BMPR1B: variants seen among roughly 807,000 people sequenced by gnomAD.
BMPR1B encodes bone morphogenetic protein receptor type-1B.
In BMPR1B, 12 loss-of-function variants were observed where a neutral mutation model predicts 59.1. That is an observed-to-expected ratio of 0.20 (90% confidence interval 0.13 to 0.33). The LOEUF (loss-of-function observed/expected upper bound fraction) is 0.33. BMPR1B is among the 10% of genes least tolerant of loss of function. The pLI is 1.00. For synonymous variants in BMPR1B, 237 were observed against 207.3 expected, an observed-to-expected ratio of 1.14 and a Z score of -1.23; for missense variants, 550 against 610.9, an observed-to-expected ratio of 0.90 and a Z score of 1.05.
chr4:95,000,003 A>C (rs887888401), intron 3 of BMPR1B, among the ~76,000 whole-genome samples: 1 of 152,176 alleles, frequency 6.6e-6, no homozygotes, highest in African/African-American at 2.4e-5. Context: ...AATAAAATTT[A>C]TTTTGCCTTT....
chr4:95,092,532 G>A (rs1305508940), intron 3 of BMPR1B, among the ~76,000 whole-genome samples: 2 of 152,002 alleles, frequency 1.3e-5, no homozygotes, highest in African/African-American at 4.8e-5. Context: ...GATGATAATA[G>A]TTGATAATAG....
intron 1 of BMPR1B, among the ~76,000 whole-genome samples, chr4:94,806,015 G>C (rs989212405): frequency 1.3e-5 from 2 of 151,978 alleles, no homozygotes; most frequent in Non-Finnish European, 2.9e-5. Context: ...TTCATTACCT[G>C]GATATTAGCA....
At chr4:95,116,638 CAG>C (rs1328063391) in intron 6 of BMPR1B, among the ~76,000 whole-genome samples, 2 of 148,358 alleles carry the variant, frequency 1.3e-5, no homozygotes, top group African/African-American at 5.0e-5. Context: ...TTTTTTGAGA[CAG>C]GGTCTTGCTC....
At chr4:95,054,940 T>C (rs1726804509) in intron 3 of BMPR1B, among the ~76,000 whole-genome samples, 2 of 152,210 alleles carry the variant, frequency 1.3e-5, no homozygotes, top group Non-Finnish European at 2.9e-5. Context: ...AAAATGTCTA[T>C]AATTTTTCCC....
chr4:95,096,797 A>G lies in BMPR1B; in HGVS notation c.-17-7611A>G, dbSNP rs539133352. 7.1e-3 allele frequency among the ~76,000 whole-genome samples: 993 copies of G among 139,648 alleles called. 10 individuals are homozygous for G. The highest frequency in any genetic ancestry group is 0.014 in the South Asian group (66 of 4,632). The allele number at this position is 139,648 out of a possible 152,430, so 91.6% of individuals were successfully genotyped here. ...TAGTTATATATAACTATATATCTATATATAGAATATATAAATATAAATATA... is the reference window on the plus strand; with the variant it reads ...TAGTTATATATAACTATATATCTATGTATAGAATATATAAATATAAATATA... On this transcript the variant is annotated intron_variant, in intron 3 of 12. Coordinates refer to ENST00000515059, the MANE Select transcript of BMPR1B (RefSeq NM_001203.3).
intron 3 of BMPR1B, among the ~76,000 whole-genome samples, chr4:95,078,666 C>T (rs1283632571): frequency 6.6e-6 from 1 of 152,172 alleles, no homozygotes; most frequent in East Asian, 1.9e-4. Flanking sequence ...TGTTCAGAAC[C>T]CTCTCACATG....
Position 94,902,124 on chromosome 4 carries a change from CTT to C in BMPR1B, c.-113+26225_-113+26226del, listed in dbSNP as rs370964347. 2.7e-4 allele frequency among the ~76,000 whole-genome samples: 38 copies of C among 142,816 alleles called. 1 individual carries two copies. The highest frequency in any genetic ancestry group is 5.3e-4 in the Non-Finnish European group (35 of 66,010). 93.7% of individuals were successfully genotyped at this position (142,816 alleles called of 152,430 possible). A position where few individuals can be genotyped will look rare whatever the true frequency, so the allele number is the denominator to read the frequency against. ...AAGGAAACAACTTGACTATCCCTCT[CTT>C]GAGTAATTAATAACACACAAGTTTA... On this transcript the variant is annotated intron_variant, in intron 2 of 12. Transcript: ENST00000515059.
chr4:94,991,517 G>A (rs1425456838), intron 2 of BMPR1B, among the ~76,000 whole-genome samples: 1 of 152,190 alleles, frequency 6.6e-6, no homozygotes, highest in African/African-American at 2.4e-5. Flanking sequence ...GCTTTGCTGA[G>A]AAGGTGCACT....
chr4:94,915,625 T>C (rs1356972447), intron 2 of BMPR1B, among the ~76,000 whole-genome samples: 1 of 152,226 alleles, frequency 6.6e-6, no homozygotes, highest in Admixed American at 6.5e-5. Flanking sequence ...GATATTACTA[T>C]AAAGGAATGA....
At chr4:95,088,970 G>T (rs1395084607) in intron 3 of BMPR1B, among the ~76,000 whole-genome samples, 7 of 152,160 alleles carry the variant, frequency 4.6e-5, no homozygotes, top group African/African-American at 1.7e-4. Context: ...AATACAATTT[G>T]GTAAAATGTT....
At position 95,061,160 on chromosome 4, in the gene BMPR1B, A is replaced by AACACAC. The variant is rs58119571; in HGVS notation, c.-17-43203_-17-43198dup. On this transcript the variant is annotated intron_variant, in intron 3 of 12. Transcript: ENST00000515059. ...GGAATTTTTGACTTGATTTAGAATA[A>AACACAC]ACACACACACACACACACACACACA... Among the ~76,000 whole-genome samples, 1,366 of 142,612 alleles carry AACACAC rather than the reference A, an allele frequency of 9.6e-3. 19 individuals carry two copies. Among genetic ancestry groups the AACACAC allele is most frequent in the Admixed American group, 0.034 (466 of 13,808 alleles). 93.6% of individuals were successfully genotyped at this position (142,612 alleles called of 152,430 possible).
At chr4:95,142,233 G>T (rs150659451) in intron 10 of BMPR1B, among the ~76,000 whole-genome samples, 1 of 152,144 alleles carries the variant, frequency 6.6e-6, no homozygotes, top group Non-Finnish European at 1.5e-5. Context: ...CAGTTCCTCA[G>T]CTATCTCCAG....
chr4:94,895,859 T>C (rs1207398633), intron 2 of BMPR1B, among the ~76,000 whole-genome samples: 1 of 151,916 alleles, frequency 6.6e-6, no homozygotes, highest in African/African-American at 2.4e-5. Context: ...ACACAAGTGA[T>C]AAAAGGAAAG....
chr4:94,805,816 C>A (rs971166472), intron 1 of BMPR1B, among the ~76,000 whole-genome samples: 3 of 152,002 alleles, frequency 2.0e-5, no homozygotes, highest in Non-Finnish European at 2.9e-5. Context: ...ACTTTTTATT[C>A]TTTATGTTGA....
chr4:94,820,319 G>A (rs1230080520), intron 1 of BMPR1B, among the ~76,000 whole-genome samples: 2 of 152,116 alleles, frequency 1.3e-5, no homozygotes, highest in Non-Finnish European at 2.9e-5. Context: ...AGCCATTGGC[G>A]TAAAAGTCAC....
intron 10 of BMPR1B, among the ~76,000 whole-genome samples, chr4:95,133,513 C>T (rs1426255485): frequency 1.3e-5 from 2 of 152,156 alleles, no homozygotes; most frequent in Admixed American, 1.3e-4. Flanking sequence ...ACACCCATAT[C>T]CCCTTCTGTA....
At position 95,129,570 on chromosome 4, in the gene BMPR1B, ATTACTATGAGCCTACTCAGGTTTT is replaced by A. The variant is rs536041172; in HGVS notation, c.586-289_586-266del. ...GAAGTGCAAGTATTCTACTCTGCTG[ATTACTATGAGCCTACTCAGGTTTT>A]TTCTCTGAGAAAATAATAATACTAA... On this transcript the variant is annotated intron_variant, in intron 8 of 12. Transcript: ENST00000515059. Among the ~76,000 whole-genome samples the A allele has an allele frequency of 9.9e-4, 150 of 152,262 alleles. No homozygotes were observed. In the South Asian group the frequency reaches 0.019, roughly 19 times the overall value.
chr4:95,154,502 G>A, intron 12 of BMPR1B, 46 bp from the exon 13 acceptor site: 2 of 1,613,310 alleles, frequency 1.2e-6, no homozygotes, highest in Middle Eastern at 1.7e-4. Flanking sequence ...TGTAACAGGT[G>A]CCAGCCTTGC....
intron 3 of BMPR1B, among the ~76,000 whole-genome samples, chr4:95,077,227 G>T (rs140312681): frequency 6.6e-6 from 1 of 152,044 alleles, no homozygotes; most frequent in African/African-American, 2.4e-5. Context: ...TACATACACC[G>T]GCTGATGGTG....
Sources: gnomAD v4.1 joint callset for allele counts (sites outside exome capture counted in the v4.1 genomes callset) on GRCh38, gnomAD v4.1.1 for gene constraint, MANE v1.5 for transcripts, NCBI Gene and HGNC (gene_info 2026-07-23, HGNC 2026-07-21) for gene names.